SORCS2: variants seen among roughly 807,000 people sequenced by gnomAD.
SORCS2 encodes sortilin related VPS10 domain containing receptor 2.
In SORCS2, 100 loss-of-function variants were observed where a neutral mutation model predicts 141.6. The ratio of observed to expected loss-of-function variants is 0.71; its 90% CI spans 0.60 to 0.83. SORCS2 has a LOEUF of 0.83. Among genes scored for constraint, SORCS2 ranks in the 40% least tolerant of loss-of-function variants. The probability of loss-of-function intolerance (pLI) is 0.00; values close to 1 mark genes in which losing one functional copy is unlikely to be tolerated. For missense variants in SORCS2, 1,646 were observed against 1,560.2 expected (o/e 1.05, Z -0.93); for synonymous variants, 789 against 676.9 (o/e 1.17, Z -2.57).
chr4:7,214,598 A>G (rs2108750140), intron 1 of SORCS2, among the ~76,000 whole-genome samples: 1 of 152,344 alleles, frequency 6.6e-6, no homozygotes, highest in African/African-American at 2.4e-5. Context: ...AAGGTTGCTA[A>G]GGAGTAGCCC....
chr4:7,502,010 C>A (rs1577666175), intron 2 of SORCS2, among the ~76,000 whole-genome samples: 1 of 152,188 alleles, frequency 6.6e-6, no homozygotes, highest in Admixed American at 6.5e-5. Flanking sequence ...CGTGGTCCCG[C>A]CCCTACAGTG....
intron 10 of SORCS2, among the ~76,000 whole-genome samples, chr4:7,684,457 C>G (rs1241173918): frequency 6.6e-6 from 1 of 152,148 alleles, no homozygotes; most frequent in Non-Finnish European, 1.5e-5. Context: ...ATCCAGCAAG[C>G]TCCTACTAAC....
At chr4:7,717,383 C>T (rs748659112) in intron 17 of SORCS2, among the ~76,000 whole-genome samples, 24 of 152,356 alleles carry the variant, frequency 1.6e-4, no homozygotes, top group Non-Finnish European at 3.1e-4. Context: ...GCCTCTGCCT[C>T]TCCACTAGAG....
intron 1 of SORCS2, among the ~76,000 whole-genome samples, chr4:7,330,217 T>A (rs960846528): frequency 6.6e-6 from 1 of 151,904 alleles, no homozygotes; most frequent in Non-Finnish European, 1.5e-5. Flanking sequence ...ATCTGGATAA[T>A]CCAGGATAAT....
chr4:7,509,137 G>A (rs982214299), intron 2 of SORCS2, among the ~76,000 whole-genome samples: 3 of 152,184 alleles, frequency 2.0e-5, no homozygotes, highest in South Asian at 2.1e-4. Context: ...TACACGTGGC[G>A]GAAGAGACCC....
chr4:7,569,969 G>A (rs1016177765), intron 3 of SORCS2, among the ~76,000 whole-genome samples: 1 of 152,178 alleles, frequency 6.6e-6, no homozygotes, highest in African/African-American at 2.4e-5. Context: ...GGCTGGATGA[G>A]GTGCTTTGTT....
intron 2 of SORCS2, among the ~76,000 whole-genome samples, chr4:7,504,790 T>G (rs1732177841): frequency 6.6e-6 from 1 of 152,248 alleles, no homozygotes; most frequent in African/African-American, 2.4e-5. Context: ...CAGTCCTGCC[T>G]GAACCATGGT....
At chr4:7,679,547 GCA>G (rs1051612407) in intron 9 of SORCS2, among the ~76,000 whole-genome samples, 5 of 152,214 alleles carry the variant, frequency 3.3e-5, no homozygotes, top group African/African-American at 1.2e-4. Flanking sequence ...GGAGCCACAG[GCA>G]CACAGAGAGG....
rs1358983378 is a variant in SORCS2 at position 7,740,464 on chromosome 4, C to T, written c.*200C>T. 3.4e-6 allele frequency: 2 copies of T among 589,078 alleles called. No homozygotes were observed. Among genetic ancestry groups the T allele is most frequent in the Non-Finnish European group, 6.1e-6 (2 of 329,168 alleles). The allele number at this position is 589,078 out of a possible 1,614,324, so 36.5% of individuals were successfully genotyped here. On this transcript the variant is annotated 3_prime_UTR_variant, in exon 27 of 27. Transcript: ENST00000507866. ...GGGCCCACGGGACCCCCCGGGACTC[C>T]CCGGACATGGCCCTGCCCCTATGGG...
intron 6 of SORCS2, 150 bp downstream of exon 6, chr4:7,661,714 T>A: frequency 1.3e-6 from 1 of 767,658 alleles, no homozygotes; most frequent in Non-Finnish European, 2.2e-6. Flanking sequence ...ATTTTAAATG[T>A]GCTTGTTTTC....
intron 22 of SORCS2, 85 bp downstream of exon 22, chr4:7,728,547 A>T: frequency 2.1e-6 from 2 of 966,632 alleles, no homozygotes; most frequent in Non-Finnish European, 3.0e-6. Context: ...GTGCTCAGGG[A>T]AAGGAGAGGC....
At chr4:7,412,499 A>G (rs6446597) in intron 2 of SORCS2, among the ~76,000 whole-genome samples, 47,582 of 152,036 alleles carry the variant, frequency 0.31, 8,727 homozygotes, top group East Asian at 0.64. Flanking sequence ...TTCCTAGCCC[A>G]TAAGATCGTC....
intron 3 of SORCS2, among the ~76,000 whole-genome samples, chr4:7,589,148 A>G (rs1447510647): frequency 6.6e-6 from 1 of 152,190 alleles, no homozygotes; most frequent in African/African-American, 2.4e-5. Flanking sequence ...TGCAGTGCCA[A>G]GAGTTTGGCG....
At chr4:7,426,506 T>A (rs1366871737) in intron 2 of SORCS2, among the ~76,000 whole-genome samples, 2 of 152,160 alleles carry the variant, frequency 1.3e-5, no homozygotes, top group African/African-American at 4.8e-5. Flanking sequence ...GGAGGATTGG[T>A]TGAAGCCAGT....
chr4:7,484,212 G>A (rs930727716), intron 2 of SORCS2, among the ~76,000 whole-genome samples: 3 of 152,204 alleles, frequency 2.0e-5, no homozygotes, highest in Admixed American at 6.5e-5. Context: ...CCCTGCGCCG[G>A]CAGATCGCCG....
Position 7,498,407 on chromosome 4 carries a change from C to T in SORCS2, c.549-33123C>T, listed in dbSNP as rs554069318. On this transcript the variant is annotated intron_variant, in intron 2 of 26. Coordinates refer to ENST00000507866, the MANE Select transcript of SORCS2 (RefSeq NM_020777.3). ...ACTTAAATTACATAGAGAACAGTTT[C>T]CAGAATGTACAGGCAAGACGCCAGC... Among the ~76,000 whole-genome samples the T allele has an allele frequency of 1.6e-4, 24 of 152,332 alleles. No homozygotes were observed. In the South Asian group the frequency reaches 1.9e-3, roughly 12 times the overall value.
At chr4:7,718,902 G>C (rs1726380894) in intron 18 of SORCS2, among the ~76,000 whole-genome samples, 1 of 152,182 alleles carries the variant, frequency 6.6e-6, no homozygotes, top group African/African-American at 2.4e-5. Context: ...AAATTAATTT[G>C]TAACATGCTT....
intron 3 of SORCS2, among the ~76,000 whole-genome samples, chr4:7,556,124 A>G (rs1393641194): frequency 2.6e-5 from 4 of 152,188 alleles, no homozygotes; most frequent in Non-Finnish European, 2.9e-5. Context: ...CTATGGCTGG[A>G]TAGGAGGGGA....
At chr4:7,539,995 A>C (rs1449881697) in intron 3 of SORCS2, among the ~76,000 whole-genome samples, 261 of 27,006 alleles carry the variant, frequency 9.7e-3, no homozygotes, top group Admixed American at 0.016. Flanking sequence ...CAAAGGCCCC[A>C]CTCCCTCCCT....
Sources: gnomAD v4.1 joint callset for allele counts (sites outside exome capture counted in the v4.1 genomes callset) on GRCh38, gnomAD v4.1.1 for gene constraint, MANE v1.5 for transcripts, NCBI Gene and HGNC (gene_info 2026-07-23, HGNC 2026-07-21) for gene names.